GALNT2: variants seen among roughly 807,000 people sequenced by gnomAD.
GALNT2 encodes UDP-GalNAc:polypeptide N-acetylgalactosaminyltransferase 2.
GALNT2 carries 31 observed loss-of-function variants against 81.4 expected under a neutral mutation model. That is an observed-to-expected ratio of 0.38 (90% CI 0.29 to 0.51). The LOEUF (loss-of-function observed/expected upper bound fraction) is 0.51, where lower values mean the gene tolerates loss of function less well. Among genes scored for constraint, GALNT2 ranks in the 20% least tolerant of loss-of-function variants. The pLI, the probability that GALNT2 is intolerant of heterozygous loss-of-function variation, is 0.87. For synonymous variants in GALNT2, 303 were observed against 287.4 expected, an observed-to-expected ratio of 1.05 and a Z score of -0.55; for missense variants, 629 against 765.7, an observed-to-expected ratio of 0.82 and a Z score of 2.11.
rs1317584396 is a variant in GALNT2 at position 230,073,962 on chromosome 1, AG to A, written c.126+6559del. Among the ~76,000 whole-genome samples, 3 of 152,078 alleles carry A rather than the reference AG, an allele frequency of 2.0e-5. No homozygotes were observed. The East Asian group carries it at 5.8e-4, about 29-fold the overall frequency. The stretch of plus-strand genomic sequence containing the variant: ...CTCTTAGGGAAGAGGAATGGCCAGG[AG>A]GGTTGGGGGTAGAGTTACTGAATTT... On this transcript the variant is annotated intron_variant, in intron 1 of 15. Transcript: ENST00000366672.
At chr1:230,182,744 C>T (rs1663199903) in intron 2 of GALNT2, among the ~76,000 whole-genome samples, 1 of 152,152 alleles carries the variant, frequency 6.6e-6, no homozygotes, top group Non-Finnish European at 1.5e-5. Context: ...TCAATTATAT[C>T]TAGTTGATTG....
chr1:230,147,557 G>T (rs1027300869), intron 1 of GALNT2, among the ~76,000 whole-genome samples: 1 of 152,160 alleles, frequency 6.6e-6, no homozygotes, highest in African/African-American at 2.4e-5. Context: ...TCCTGGTCCC[G>T]CGGGGGCTTT....
chr1:230,187,841 G>A (rs1196870322), intron 2 of GALNT2, among the ~76,000 whole-genome samples: 3 of 151,730 alleles, frequency 2.0e-5, no homozygotes, highest in African/African-American at 7.3e-5. Context: ...CTGTCAAGCT[G>A]TCCCTCTGAA....
At chr1:230,273,377 G>A (rs953566061) in intron 14 of GALNT2, among the ~76,000 whole-genome samples, 3 of 152,218 alleles carry the variant, frequency 2.0e-5, no homozygotes, top group Admixed American at 6.5e-5. Context: ...ACAGACAGAC[G>A]GAGGGGAGGG....
intron 1 of GALNT2, among the ~76,000 whole-genome samples, chr1:230,080,124 G>A (rs555071742): frequency 3.3e-5 from 5 of 152,340 alleles, no homozygotes; most frequent in South Asian, 2.1e-4. Flanking sequence ...CTAACTGGCA[G>A]TGGAGAGTGT....
intron 3 of GALNT2, among the ~76,000 whole-genome samples, chr1:230,234,539 C>A (rs533100514): frequency 6.6e-6 from 1 of 152,328 alleles, no homozygotes; most frequent in South Asian, 2.1e-4. Context: ...ACAGGCCCCT[C>A]TTGCCGCCTC....
At chr1:230,269,515 G>A (rs1666117231) in intron 14 of GALNT2, among the ~76,000 whole-genome samples, 2 of 152,074 alleles carry the variant, frequency 1.3e-5, no homozygotes, top group South Asian at 4.2e-4. Context: ...AAATGCTGAT[G>A]CCAGGTGCTA....
chr1:230,262,743 G>C, intron 12 of GALNT2, 78 bp downstream of exon 12: 1 of 1,435,568 alleles, frequency 7.0e-7, no homozygotes, highest in East Asian at 2.3e-5. Context: ...GCTGCCCCCA[G>C]CGTTGAATTC....
At chr1:230,118,464 A>G (rs1413454404) in intron 1 of GALNT2, among the ~76,000 whole-genome samples, 1 of 152,234 alleles carries the variant, frequency 6.6e-6, no homozygotes, top group Non-Finnish European at 1.5e-5. Flanking sequence ...TTTTTTGACC[A>G]GGGCGGTTAG....
At chr1:230,219,435 T>C (rs1664482112) in intron 3 of GALNT2, among the ~76,000 whole-genome samples, 1 of 151,968 alleles carries the variant, frequency 6.6e-6, no homozygotes, top group Non-Finnish European at 1.5e-5. Flanking sequence ...TGGCTTTCTG[T>C]TCTGGCATCC....
chr1:230,262,459 G>A (rs1665906857), intron 11 of GALNT2, 114 bp from the exon 12 acceptor site: 5 of 824,048 alleles, frequency 6.1e-6, no homozygotes, highest in Non-Finnish European at 1.0e-5. Flanking sequence ...CCCAGCTGGA[G>A]CTGCTGCACA....
At chr1:230,227,188 T>A (rs1307989432) in intron 3 of GALNT2, among the ~76,000 whole-genome samples, 1 of 152,082 alleles carries the variant, frequency 6.6e-6, no homozygotes, top group Non-Finnish European at 1.5e-5. Context: ...AATGAATAAG[T>A]GCAAACCATC....
chr1:230,219,545 C>T (rs897077643), intron 3 of GALNT2, among the ~76,000 whole-genome samples: 11 of 152,084 alleles, frequency 7.2e-5, no homozygotes, highest in African/African-American at 2.7e-4. Flanking sequence ...CTCAGTACCT[C>T]TCCCAGGCTT....
chr1:230,128,767 CCT>C (rs1458605894), intron 1 of GALNT2, among the ~76,000 whole-genome samples: 3 of 152,256 alleles, frequency 2.0e-5, no homozygotes, highest in African/African-American at 7.2e-5. Context: ...CTTGGAAGTT[CCT>C]CTTTCTGCCA....
At chr1:230,109,634 C>A (rs546455687) in intron 1 of GALNT2, among the ~76,000 whole-genome samples, 1 of 152,160 alleles carries the variant, frequency 6.6e-6, no homozygotes, top group Non-Finnish European at 1.5e-5. Flanking sequence ...TCAAGAACAG[C>A]CTGGTCAACA....
At chr1:230,058,329 G>A (rs1307303612) in intron 1 of GALNT2, among the ~76,000 whole-genome samples, 1 of 152,170 alleles carries the variant, frequency 6.6e-6, no homozygotes, top group African/African-American at 2.4e-5. Flanking sequence ...ACACAGCGGG[G>A]AAGGTGGGAA....
At chr1:230,163,771 C>T (rs1662511445) in intron 1 of GALNT2, among the ~76,000 whole-genome samples, 1 of 152,184 alleles carries the variant, frequency 6.6e-6, no homozygotes, top group Admixed American at 6.5e-5. Context: ...TGAAGTTGGA[C>T]CAGGGAAGCT....
intron 1 of GALNT2, among the ~76,000 whole-genome samples, chr1:230,112,160 G>A (rs900378261): frequency 1.3e-5 from 2 of 152,124 alleles, no homozygotes; most frequent in African/African-American, 2.4e-5. Context: ...AGGCCAGGTG[G>A]CTGCTTTCTC....
intron 1 of GALNT2, among the ~76,000 whole-genome samples, chr1:230,100,120 A>C (rs1233552351): frequency 6.6e-6 from 1 of 152,162 alleles, no homozygotes; most frequent in Non-Finnish European, 1.5e-5. Flanking sequence ...TGAAGGGATC[A>C]AGTCCTGGAA....
Sources: gnomAD v4.1 joint callset for allele counts (sites outside exome capture counted in the v4.1 genomes callset) on GRCh38, gnomAD v4.1.1 for gene constraint, MANE v1.5 for transcripts, NCBI Gene and HGNC (gene_info 2026-07-23, HGNC 2026-07-21) for gene names.